PCMT1: variants seen among roughly 807,000 people sequenced by gnomAD.
PCMT1 encodes the protein protein-L-isoaspartate(D-aspartate) O-methyltransferase.
PCMT1 carries 9 observed loss-of-function variants against 29.2 expected under a neutral mutation model. The observed-to-expected ratio is 0.31, with a 90% CI of 0.19 to 0.54. PCMT1 has a LOEUF of 0.54. Among genes scored for constraint, PCMT1 ranks in the 20% least tolerant of loss-of-function variants. PCMT1 has a pLI of 0.95. For missense variants in PCMT1, 184 were observed against 282.2 expected (o/e 0.65, Z 2.49); for synonymous variants, 98 against 97.5 (o/e 1.00, Z -0.03).
chr6:149,789,118 C>T (rs2115306833), intron 3 of PCMT1, among the ~76,000 whole-genome samples: 1 of 144,700 alleles, frequency 6.9e-6, no homozygotes, highest in South Asian at 2.2e-4. Flanking sequence ...CTGTTACAGC[C>T]CAGGCTGGAG....
At chr6:149,753,432 A>G (rs1786404535) in intron 1 of PCMT1, among the ~76,000 whole-genome samples, 1 of 152,062 alleles carries the variant, frequency 6.6e-6, no homozygotes, top group Admixed American at 6.6e-5. Flanking sequence ...TCCCAGGTTC[A>G]AGCAATTCTC....
intron 6 of PCMT1, among the ~76,000 whole-genome samples, chr6:149,800,558 G>A (rs183165473): frequency 6.6e-6 from 1 of 152,240 alleles, no homozygotes; most frequent in African/African-American, 2.4e-5. Flanking sequence ...ATAGTGATGC[G>A]TAAAGCTATA....
intron 1 of PCMT1, among the ~76,000 whole-genome samples, chr6:149,759,765 G>C (rs943684533): frequency 6.6e-5 from 10 of 152,174 alleles, no homozygotes; most frequent in Non-Finnish European, 1.3e-4. Flanking sequence ...AAAGTGCTGG[G>C]ATTACAGGCG....
At chr6:149,808,979 G>C (rs1385138046) in intron 7 of PCMT1, among the ~76,000 whole-genome samples, 1 of 149,890 alleles carries the variant, frequency 6.7e-6, no homozygotes, top group Non-Finnish European at 1.5e-5. Flanking sequence ...TTTGGCTTGG[G>C]CATGGTGGCT....
intron 6 of PCMT1, among the ~76,000 whole-genome samples, chr6:149,799,519 T>A: frequency 6.6e-6 from 1 of 152,228 alleles, no homozygotes; most frequent in Non-Finnish European, 1.5e-5. Flanking sequence ...TCTCCATCTC[T>A]TTCTTTTAAT....
chr6:149,796,393 A>G, intron 5 of PCMT1, 22 bp from the exon 6 acceptor site: 1 of 1,574,826 alleles, frequency 6.3e-7, no homozygotes, highest in Non-Finnish European at 8.7e-7. Context: ...AGGTTTTTAA[A>G]GCATAGCTGT....
chr6:149,782,852 G>A (rs1787871261), intron 3 of PCMT1, among the ~76,000 whole-genome samples: 1 of 152,072 alleles, frequency 6.6e-6, no homozygotes, highest in Non-Finnish European at 1.5e-5. Flanking sequence ...AAGGAATAAT[G>A]AAATTTTAAA....
At chr6:149,805,708 C>CGG in intron 7 of PCMT1, among the ~76,000 whole-genome samples, 2 of 151,942 alleles carry the variant, frequency 1.3e-5, no homozygotes, top group Middle Eastern at 3.4e-3. Flanking sequence ...GAGGCTGAGG[C>CGG]GGGCGGATCA....
intron 6 of PCMT1, chr6:149,797,646 T>C (rs1788669862): frequency 6.6e-6 from 1 of 152,238 alleles, no homozygotes; most frequent in Non-Finnish European, 1.5e-5. Context: ...GCCATGGCAC[T>C]GTAGCCTGTG....
At position 149,789,981 on chromosome 6, in the gene PCMT1, G is replaced by A. The variant is rs1245106800; in HGVS notation, c.220G>A (p.Asp74Asn). Residue 74 changes from aspartate to asparagine, a missense_variant, in exon 4 of 8, where the codon GAT becomes AAT. Coordinates refer to ENST00000464889, the MANE Select transcript of PCMT1 (RefSeq NM_001360452.2). ...MHAYALELLF[D>N]QLHEGAKALD... Reference sequence around the variant, plus strand: ...TGCATATGCGCTAGAACTTCTATTTGATCAGTTGCATGAAGGAGCTAAAGC... The same window carrying A: ...TGCATATGCGCTAGAACTTCTATTTAATCAGTTGCATGAAGGAGCTAAAGC... 1 of 1,609,076 alleles carries A rather than the reference G, an allele frequency of 6.2e-7. No homozygotes were observed. The highest frequency in any genetic ancestry group is 8.5e-7 in the Non-Finnish European group (1 of 1,178,534).
At chr6:149,790,147 ATTTG>A (rs1788296502) in intron 4 of PCMT1, 89 bp downstream of exon 4, 3 of 750,638 alleles carry the variant, frequency 4.0e-6, no homozygotes, top group Non-Finnish European at 6.6e-6. Context: ...TTTCATGTTT[ATTTG>A]TTTGTTAATT....
chr6:149,762,941 A>G (rs1479279078), intron 1 of PCMT1, among the ~76,000 whole-genome samples: 1 of 49,094 alleles, frequency 2.0e-5, no homozygotes. Flanking sequence ...TATATGATAT[A>G]TATATCTATG....
At chr6:149,764,069 T>A (rs554525307) in intron 1 of PCMT1, among the ~76,000 whole-genome samples, 1 of 152,346 alleles carries the variant, frequency 6.6e-6, no homozygotes, top group South Asian at 2.1e-4. Flanking sequence ...TAAAGCCTCT[T>A]GTGACTTTGA....
chr6:149,796,377 C>CTG, intron 5 of PCMT1, 38 bp from the exon 6 acceptor site: 3 of 1,429,136 alleles, frequency 2.1e-6, no homozygotes, highest in Non-Finnish European at 2.9e-6. Context: ...TAAGTTTGAT[C>CTG]TAAACAGGTT....
At chr6:149,802,601 C>A in intron 7 of PCMT1, 185 bp downstream of exon 7, 9 of 790,662 alleles carry the variant, frequency 1.1e-5, no homozygotes, top group Non-Finnish European at 1.5e-5. Context: ...TTGGTTGGCA[C>A]AAAGGCTTTT....
At chr6:149,791,973 G>T (rs537312438) in intron 4 of PCMT1, among the ~76,000 whole-genome samples, 10 of 152,282 alleles carry the variant, frequency 6.6e-5, no homozygotes, top group Non-Finnish European at 1.2e-4. Flanking sequence ...TTATGATGGG[G>T]TTTATGCCTT....
At position 149,768,385 on chromosome 6, in the gene PCMT1, C is replaced by A. The variant is rs192597339; in HGVS notation, c.56-2777C>A. Among the ~76,000 whole-genome samples, 1,104 of 152,018 alleles carry A rather than the reference C, an allele frequency of 7.3e-3. 3 individuals are homozygous for A. Among genetic ancestry groups the A allele is most frequent in the Non-Finnish European group, 0.011 (727 of 67,986 alleles). On this transcript the variant is annotated intron_variant, in intron 1 of 7. Coordinates refer to ENST00000464889, the MANE Select transcript of PCMT1 (RefSeq NM_001360452.2). ...CGGATTACAGGCATGAGCTACCGCA[C>A]CTGGCCCCTAATTTTTAAAATTCTT...
intron 2 of PCMT1, 24 bp downstream of exon 2, chr6:149,771,290 A>C: frequency 7.4e-7 from 1 of 1,351,596 alleles, no homozygotes; most frequent in African/African-American, 1.4e-5. Flanking sequence ...TTCTGAAAAT[A>C]TCATAGTTTT....
chr6:149,785,620 C>G (rs867083005), intron 3 of PCMT1, among the ~76,000 whole-genome samples: 4 of 116,872 alleles, frequency 3.4e-5, no homozygotes, highest in African/African-American at 1.2e-4. Flanking sequence ...TTAACGAGCA[C>G]GCTGCCTTCA....
Sources: allele counts gnomAD v4.1 joint callset (sites outside exome capture counted in the v4.1 genomes callset), GRCh38; gene constraint gnomAD v4.1.1; transcripts MANE v1.5; gene names NCBI Gene and HGNC (gene_info 2026-07-23, HGNC 2026-07-21).